CHODL: variants seen among roughly 807,000 people sequenced by gnomAD.
CHODL encodes the protein chondrolectin.
Under a neutral mutation model 34.5 loss-of-function variants are expected in CHODL, and 29 were observed. That is an observed-to-expected ratio of 0.84 (90% CI 0.63 to 1.15). CHODL has a LOEUF of 1.15. Ranked by LOEUF, CHODL falls within the 50% of genes most tolerant of loss-of-function variation. CHODL has a pLI of 0.00. For missense variants in CHODL, 332 were observed against 332.5 expected, an observed-to-expected ratio of 1.00 and a Z score of 0.01; for synonymous variants, 125 against 116.1, an observed-to-expected ratio of 1.08 and a Z score of -0.49.
intron 1 of CHODL, among the ~76,000 whole-genome samples, chr21:17,978,453 G>A (rs866925094): frequency 6.7e-6 from 1 of 148,372 alleles, no homozygotes; most frequent in Admixed American, 6.7e-5. Flanking sequence ...GCGCGGTGGC[G>A]CACGCCTGTA....
At chr21:17,967,137 G>C (rs1017597472) in intron 1 of CHODL, among the ~76,000 whole-genome samples, 1 of 151,848 alleles carries the variant, frequency 6.6e-6, no homozygotes, top group Non-Finnish European at 1.5e-5. Flanking sequence ...TGCCCACCTC[G>C]ACCTCTCAAA....
intron 2 of CHODL, among the ~76,000 whole-genome samples, chr21:18,092,794 C>T (rs1383841067): frequency 6.6e-6 from 1 of 152,040 alleles, no homozygotes; most frequent in Non-Finnish European, 1.5e-5. Flanking sequence ...AAAAAGAATA[C>T]AAAACAGTAA....
chr21:18,053,945 A>G (rs369972447), intron 2 of CHODL, among the ~76,000 whole-genome samples: 1 of 146,272 alleles, frequency 6.8e-6, no homozygotes, highest in Non-Finnish European at 1.5e-5. Context: ...ATTTATATAT[A>G]TCACATATAA....
intron 2 of CHODL, among the ~76,000 whole-genome samples, chr21:18,143,608 C>T (rs2072829771): frequency 6.6e-6 from 1 of 152,100 alleles, no homozygotes; most frequent in Non-Finnish European, 1.5e-5. Context: ...CTATGAGTCT[C>T]ACTTTTCTCA....
intron 2 of CHODL, among the ~76,000 whole-genome samples, chr21:18,184,831 A>G (rs1024685948): frequency 2.0e-5 from 3 of 152,172 alleles, no homozygotes; most frequent in Non-Finnish European, 4.4e-5. Context: ...CACAGCTTGA[A>G]AACCATTCCT....
In CHODL at chr21:18,266,171, A is replaced by ATATT; in HGVS notation, c.*134_*137dup. ...AACTGTAAGCTCCCCCTTGAGGCAA[A>ATATT]TATTAAAGTAATTTTTATATGTCTA... On this transcript the variant is annotated 3_prime_UTR_variant, in exon 6 of 6. Coordinates refer to ENST00000299295, the MANE Select transcript of CHODL (RefSeq NM_024944.3). 5 of 1,556,606 alleles carry ATATT rather than the reference A, an allele frequency of 3.2e-6. No homozygotes were observed. The highest frequency in any genetic ancestry group is 4.4e-6 in the Non-Finnish European group (5 of 1,149,126).
At position 18,266,656 on chromosome 21, in the gene CHODL, C is replaced by T. The variant is rs1250935698; in HGVS notation, c.*618C>T. 6.5e-6 allele frequency: 1 copy of T among 153,308 alleles called. No individual in the cohort carries two copies. The highest frequency in any genetic ancestry group is 1.5e-5 in the Non-Finnish European group (1 of 68,660). The allele number at this position is 153,308 out of a possible 1,614,324, so 9.5% of individuals were successfully genotyped here. A position where few individuals can be genotyped will look rare whatever the true frequency, so the allele number is the denominator to read the frequency against. On this transcript the variant is annotated 3_prime_UTR_variant, in exon 6 of 6. Transcript: ENST00000299295. ...TTGGTCAATGTCTAGGAAATCTCTTCAGAAATAAGAAGCTATTTCATTAAG... is the reference window on the plus strand; with the variant it reads ...TTGGTCAATGTCTAGGAAATCTCTTTAGAAATAAGAAGCTATTTCATTAAG...
In CHODL at chr21:18,010,297, CAAAAAAAAAAAAA is replaced by C. The variant is rs71189576; in HGVS notation, c.-144-17562_-144-17550del. Among the ~76,000 whole-genome samples, 9 of 38,788 alleles carry C rather than the reference CAAAAAAAAAAAAA, an allele frequency of 2.3e-4. 1 individual carries two copies. In the South Asian group the frequency reaches 0.018, roughly 76 times the overall value. 25.4% of individuals were successfully genotyped at this position (38,788 alleles called of 152,430 possible). ...GGGCGACAGAGCAAGACTCCCGTCT[CAAAAAAAAAAAAA>C]AAAAAAAAAAAAGAAGAAAAAGGAA... On this transcript the variant is annotated intron_variant, in intron 1 of 6. Transcript: ENST00000400127.
At chr21:17,923,098 G>A (rs1307398223) in intron 1 of CHODL, among the ~76,000 whole-genome samples, 6 of 151,898 alleles carry the variant, frequency 4.0e-5, no homozygotes. Flanking sequence ...AATGAGATAT[G>A]CATTTATCTC....
chr21:18,171,750 CT>C (rs1334537121), intron 2 of CHODL, among the ~76,000 whole-genome samples: 1 of 119,608 alleles, frequency 8.4e-6, no homozygotes, highest in African/African-American at 3.3e-5. Context: ...TTTTTTTTTT[CT>C]TTTTTTTGCT....
chr21:18,219,442 T>C (rs1253807725), intron 2 of CHODL, among the ~76,000 whole-genome samples: 1 of 152,108 alleles, frequency 6.6e-6, no homozygotes, highest in Non-Finnish European at 1.5e-5. Context: ...ATGGATATTA[T>C]GGGAACTACA....
At chr21:18,075,631 T>C (rs2064855233) in intron 2 of CHODL, among the ~76,000 whole-genome samples, 1 of 152,188 alleles carries the variant, frequency 6.6e-6, no homozygotes, top group Non-Finnish European at 1.5e-5. Context: ...ATTTAATCAA[T>C]GGTAGCTATT....
Position 18,013,635 on chromosome 21 carries a change from C to CTTTTTTTTTTTTTTTTTTTTTTTTTTT in CHODL, c.-144-14220_-144-14219insTTTTTTTTTTTTTTTTTTTTTTTTTTT, listed in dbSNP as rs1212894827. On this transcript the variant is annotated intron_variant, in intron 1 of 6. Transcript: ENST00000400127. The stretch of plus-strand genomic sequence containing the variant: ...GATCATTGATTTTCTGCTGCTGCTG[C>CTTTTTTTTTTTTTTTTTTTTTTTTTTT]TTTTTTTTTTTTTTTTTGAGACAGA... Among the ~76,000 whole-genome samples the CTTTTTTTTTTTTTTTTTTTTTTTTTTT allele has an allele frequency of 7.8e-4, 56 of 71,894 alleles. 22 individuals are homozygous for CTTTTTTTTTTTTTTTTTTTTTTTTTTT. Among genetic ancestry groups the CTTTTTTTTTTTTTTTTTTTTTTTTTTT allele is most frequent in the African/African-American group, 2.0e-3 (31 of 15,808 alleles). The allele number at this position is 71,894 out of a possible 152,430, so 47.2% of individuals were successfully genotyped here.
At chr21:18,232,348 A>T (rs1343245162) in intron 2 of CHODL, among the ~76,000 whole-genome samples, 1 of 152,126 alleles carries the variant, frequency 6.6e-6, no homozygotes, top group Non-Finnish European at 1.5e-5. Context: ...ACTGAATGAC[A>T]GAAATTTATT....
intron 2 of CHODL, among the ~76,000 whole-genome samples, chr21:18,148,815 T>C (rs1036025468): frequency 1.3e-5 from 2 of 151,516 alleles, no homozygotes; most frequent in Non-Finnish European, 2.9e-5. Context: ...CCACTTATTA[T>C]CAACATTCAA....
At chr21:18,208,500 T>G (rs2073738178) in intron 2 of CHODL, among the ~76,000 whole-genome samples, 1 of 152,118 alleles carries the variant, frequency 6.6e-6, no homozygotes, top group South Asian at 2.1e-4. Flanking sequence ...TTATTTAGTT[T>G]GTTTGGTGAG....
intron 2 of CHODL, among the ~76,000 whole-genome samples, chr21:18,070,027 C>CTTTCCCTTCCCT (rs2064781984): frequency 1.5e-5 from 1 of 68,636 alleles, no homozygotes; most frequent in Non-Finnish European, 3.2e-5. Flanking sequence ...CCCTTCCCTC[C>CTTTCCCTTCCCT]CCCCCCCCAC....
chr21:18,066,069 G>A (rs2064728236), intron 2 of CHODL, among the ~76,000 whole-genome samples: 1 of 152,102 alleles, frequency 6.6e-6, no homozygotes, highest in East Asian at 1.9e-4. Context: ...GGTACTGGTT[G>A]CTGATCTAAG....
chr21:17,960,780 C>G (rs200800), intron 1 of CHODL, among the ~76,000 whole-genome samples: 78,057 of 151,948 alleles, frequency 0.51, 20,833 homozygotes, highest in Middle Eastern at 0.66. Flanking sequence ...TTCTCCAGGA[C>G]TCTCTTGATC....
Sources: gnomAD v4.1 joint callset for allele counts (sites outside exome capture counted in the v4.1 genomes callset) on GRCh38, gnomAD v4.1.1 for gene constraint, MANE v1.5 for transcripts, NCBI Gene and HGNC (gene_info 2026-07-23, HGNC 2026-07-21) for gene names.